The following PDCD1LG2 variants were observed in gnomAD, a reference collection of about 807,000 sequenced individuals.
The protein encoded by PDCD1LG2 is programmed cell death 1 ligand 2.
A neutral mutation model predicts 28.2 loss-of-function variants in PDCD1LG2; 32 were observed. That is an observed-to-expected ratio of 1.13 (90% CI 0.86 to 1.52). The LOEUF (loss-of-function observed/expected upper bound fraction) is 1.52. PDCD1LG2 is among the 40% of genes most tolerant of loss of function. The pLI is 0.00. For synonymous variants in PDCD1LG2, 116 were observed against 120.2 expected, an observed-to-expected ratio of 0.97 and a Z score of 0.23; for missense variants, 385 against 323.8, an observed-to-expected ratio of 1.19 and a Z score of -1.45.
intron 5 of PDCD1LG2, among the ~76,000 whole-genome samples, chr9:5,559,883 G>A (rs993096405): frequency 6.6e-6 from 1 of 152,172 alleles, no homozygotes; most frequent in African/African-American, 2.4e-5. Flanking sequence ...ATTGTCTAAA[G>A]CTCTAACCAC....
chr9:5,515,770 A>G (rs1229696101), intron 1 of PDCD1LG2, among the ~76,000 whole-genome samples: 1 of 151,612 alleles, frequency 6.6e-6, no homozygotes, highest in African/African-American at 2.4e-5. Flanking sequence ...AAAAATATGA[A>G]AAATTAGCCA....
chr9:5,540,183 C>T (rs12004656), intron 3 of PDCD1LG2, among the ~76,000 whole-genome samples: 3,405 of 152,260 alleles, frequency 0.022, 121 homozygotes, highest in African/African-American at 0.074. Context: ...ACTCTTTGAA[C>T]TGAACGATAA....
intron 2 of PDCD1LG2, among the ~76,000 whole-genome samples, chr9:5,529,763 T>G (rs1167569548): frequency 6.6e-6 from 1 of 152,166 alleles, no homozygotes; most frequent in Non-Finnish European, 1.5e-5. Flanking sequence ...CCTAGGTTAC[T>G]CCACTTCGCC....
At chr9:5,544,742 C>CTTT (rs138749361) in intron 3 of PDCD1LG2, among the ~76,000 whole-genome samples, 2 of 71,562 alleles carry the variant, frequency 2.8e-5, no homozygotes, top group African/African-American at 1.3e-4. Context: ...GGCTGATGGC[C>CTTT]TCAGTCAACT....
In PDCD1LG2 at chr9:5,549,232, A is replaced by C. The variant is rs961161979; in HGVS notation, c.362-103A>C. On this transcript the variant is annotated intron_variant, in intron 3 of 6. Transcript: ENST00000397747. ...TACAAATGATAACCATTATTACTTA[A>C]TATTGATAGTGATAATTTTATTCAT... 2.6e-5 allele frequency: 28 copies of C among 1,080,884 alleles called. No homozygotes were observed. The African/African-American group carries it at 4.3e-4, about 17-fold the overall frequency. 67.0% of individuals were successfully genotyped at this position (1,080,884 alleles called of 1,614,324 possible).
intron 3 of PDCD1LG2, among the ~76,000 whole-genome samples, chr9:5,538,014 TCAAA>T (rs1249610786): frequency 6.6e-6 from 1 of 152,212 alleles, no homozygotes; most frequent in African/African-American, 2.4e-5. Flanking sequence ...ACAAAATCTG[TCAAA>T]CAAAAATATG....
At chr9:5,567,096 A>G (rs1424378251) in intron 6 of PDCD1LG2, among the ~76,000 whole-genome samples, 1 of 152,204 alleles carries the variant, frequency 6.6e-6, no homozygotes, top group African/African-American at 2.4e-5. Context: ...AGCCATTTCA[A>G]CCATCCCCAC....
intron 1 of PDCD1LG2, among the ~76,000 whole-genome samples, chr9:5,516,349 C>T (rs181741549): frequency 3.3e-5 from 5 of 152,106 alleles, no homozygotes; most frequent in African/African-American, 9.7e-5. Flanking sequence ...TGAGCCCGGT[C>T]GAGTCCAGGG....
At chr9:5,564,545 T>A (rs1816626378) in intron 6 of PDCD1LG2, among the ~76,000 whole-genome samples, 1 of 152,192 alleles carries the variant, frequency 6.6e-6, no homozygotes, top group African/African-American at 2.4e-5. Flanking sequence ...TAATGAGGAA[T>A]TTAAATATTT....
At chr9:5,558,793 CAGAG>C (rs112307281) in intron 5 of PDCD1LG2, among the ~76,000 whole-genome samples, 5,961 of 151,914 alleles carry the variant, frequency 0.039, 381 homozygotes, top group African/African-American at 0.14. Flanking sequence ...AAGAAAAAGA[CAGAG>C]GGAGGGAAGA....
chr9:5,525,565 A>C (rs2129742656), intron 2 of PDCD1LG2, among the ~76,000 whole-genome samples: 1 of 151,852 alleles, frequency 6.6e-6, no homozygotes, highest in African/African-American at 2.4e-5. Context: ...ATATGACTAC[A>C]TCTATTATTA....
At chr9:5,559,622 T>G (rs1816519274) in intron 5 of PDCD1LG2, among the ~76,000 whole-genome samples, 1 of 152,244 alleles carries the variant, frequency 6.6e-6, no homozygotes, top group African/African-American at 2.4e-5. Flanking sequence ...CGAACTTCAC[T>G]GCCGCTAGTG....
chr9:5,530,962 G>A (rs1354854200), intron 2 of PDCD1LG2, among the ~76,000 whole-genome samples: 5 of 152,230 alleles, frequency 3.3e-5, no homozygotes, highest in Non-Finnish European at 7.3e-5. Flanking sequence ...ACAACACTTT[G>A]AAGGCAAGGT....
At chr9:5,512,381 C>G (rs945856617) in intron 1 of PDCD1LG2, among the ~76,000 whole-genome samples, 5 of 152,156 alleles carry the variant, frequency 3.3e-5, no homozygotes, top group Non-Finnish European at 5.9e-5. Context: ...CTCTAACACA[C>G]CTGTGGGCTG....
intron 1 of PDCD1LG2, among the ~76,000 whole-genome samples, chr9:5,518,242 CA>C (rs1247285755): frequency 6.6e-6 from 1 of 152,232 alleles, no homozygotes; most frequent in Non-Finnish European, 1.5e-5. Flanking sequence ...TTACTCATTG[CA>C]TAAACCATAT....
chr9:5,537,632 A>G (rs1010541543), intron 3 of PDCD1LG2, among the ~76,000 whole-genome samples: 1 of 152,178 alleles, frequency 6.6e-6, no homozygotes, highest in Non-Finnish European at 1.5e-5. Flanking sequence ...CCCAAGGACA[A>G]AAAACCAAAC....
intron 3 of PDCD1LG2, among the ~76,000 whole-genome samples, chr9:5,547,108 G>A (rs577613184): frequency 6.6e-6 from 1 of 152,256 alleles, no homozygotes; most frequent in Admixed American, 6.5e-5. Context: ...GTAAAAGGAC[G>A]TGGCACAAAG....
intron 3 of PDCD1LG2, among the ~76,000 whole-genome samples, chr9:5,544,363 C>A (rs1820750913): frequency 6.6e-6 from 1 of 152,142 alleles, no homozygotes; most frequent in African/African-American, 2.4e-5. Context: ...ACACTGGAAC[C>A]CAGTGGGCCT....
Position 5,526,688 on chromosome 9 carries a change from C to T in PDCD1LG2, c.55+4087C>T, listed in dbSNP as rs541251530. ...CCTCGTCTCAAGCAATCCTCCTGCC[C>T]CAGCCTCCCAAAGCACTGAGATCAC... On this transcript the variant is annotated intron_variant, in intron 2 of 6. Coordinates refer to ENST00000397747, the MANE Select transcript of PDCD1LG2 (RefSeq NM_025239.4). Among the ~76,000 whole-genome samples the T allele has an allele frequency of 1.6e-4, 25 of 152,202 alleles. No individual in the cohort carries two copies. The South Asian group carries it at 5.2e-3, about 32-fold the overall frequency.
Sources: gnomAD v4.1 joint callset for allele counts (sites outside exome capture counted in the v4.1 genomes callset) on GRCh38, gnomAD v4.1.1 for gene constraint, MANE v1.5 for transcripts, NCBI Gene and HGNC (gene_info 2026-07-23, HGNC 2026-07-21) for gene names.